STAT5B: variants seen among roughly 807,000 people sequenced by gnomAD.
STAT5B encodes the protein signal transducer and activator of transcription 5B.
A neutral mutation model predicts 107.8 loss-of-function variants in STAT5B; 21 were observed. The ratio of observed to expected loss-of-function variants is 0.19; its 90% confidence interval spans 0.14 to 0.28. The LOEUF (loss-of-function observed/expected upper bound fraction) is 0.28. STAT5B is among the 10% of genes least tolerant of loss of function. The pLI, the probability that STAT5B is intolerant of heterozygous loss-of-function variation, is 1.00. For synonymous variants in STAT5B, 325 were observed against 401.7 expected (o/e 0.81, Z 2.28); for missense variants, 565 against 1,008.2 (o/e 0.56, Z 5.95).
chr17:42,230,646 G>A (rs776848375), intron 2 of STAT5B, among the ~76,000 whole-genome samples: 1 of 151,688 alleles, frequency 6.6e-6, no homozygotes, highest in African/African-American at 2.4e-5. Context: ...TTAACATTTG[G>A]GTATATTTTC....
chr17:42,274,049 A>T (rs7219855), intron 1 of STAT5B, among the ~76,000 whole-genome samples: 54,136 of 151,870 alleles, frequency 0.36, 10,819 homozygotes, highest in African/African-American at 0.54. Context: ...TTTCTCCTAC[A>T]ATCATACATA....
intron 1 of STAT5B, chr17:42,233,824 TAAAG>T (rs2080336856): frequency 6.6e-6 from 1 of 152,208 alleles, no homozygotes; most frequent in Admixed American, 6.6e-5. Context: ...CTTGATTTTT[TAAAG>T]AAAGGCTTTA....
chr17:42,242,605 C>G (rs1458416877), intron 1 of STAT5B, among the ~76,000 whole-genome samples: 1 of 128,118 alleles, frequency 7.8e-6, no homozygotes, highest in Non-Finnish European at 1.6e-5. Flanking sequence ...TCCCACCCCC[C>G]ACCCAAAACA....
intron 8 of STAT5B, 42 bp downstream of exon 8, chr17:42,218,681 G>C (rs1268891387): frequency 6.2e-7 from 1 of 1,611,600 alleles, no homozygotes; most frequent in African/African-American, 1.3e-5. Flanking sequence ...GCAGGCAGGA[G>C]CTGCCCCAAG....
chr17:42,263,975 T>C (rs2080643960), intron 1 of STAT5B, among the ~76,000 whole-genome samples: 1 of 152,082 alleles, frequency 6.6e-6, no homozygotes, highest in Non-Finnish European at 1.5e-5. Flanking sequence ...GGCACAATTG[T>C]ATATGATTGT....
At chr17:42,208,434 T>G (rs2080103362) in intron 15 of STAT5B, among the ~76,000 whole-genome samples, 1 of 151,664 alleles carries the variant, frequency 6.6e-6, no homozygotes, top group Non-Finnish European at 1.5e-5. Context: ...AGGTGGAGGT[T>G]GCAGTGAGCT....
intron 3 of STAT5B, among the ~76,000 whole-genome samples, chr17:42,225,466 G>A (rs1253338846): frequency 1.3e-5 from 2 of 152,100 alleles, no homozygotes; most frequent in African/African-American, 2.4e-5. Flanking sequence ...ACCAATGAGG[G>A]GACGAGGGAC....
At position 42,201,756 on chromosome 17, in the gene STAT5B, G is replaced by T; in HGVS notation, c.2346C>A (p.Ile782=). The T allele has an allele frequency of 6.2e-7, 1 of 1,611,302 alleles. No individual in the cohort carries two copies. Among genetic ancestry groups the T allele is most frequent in the Non-Finnish European group, 8.5e-7 (1 of 1,177,362 alleles). The change falls in exon 19 of 19, where the codon ATC becomes ATA. Residue 782 remains isoleucine, a synonymous_variant. Coordinates refer to ENST00000293328, the MANE Select transcript of STAT5B (RefSeq NM_012448.4). ...LLGRPMDSQW[I]PHAQS The stretch of plus-strand genomic sequence containing the variant: ...CGCGGGGTCACGATTGTGCGTGCGG[G>T]ATCCACTGACTGTCCATTGGCCGGC...
chr17:42,276,937 G>A (rs547197002), upstream of STAT5B, among the ~76,000 whole-genome samples: 1 of 152,364 alleles, frequency 6.6e-6, no homozygotes, highest in East Asian at 1.9e-4. This position sits in a 1 kb window ranked among gnomAD's most constrained non-coding sequence, Gnocchi z 4.8. Flanking sequence ...CATGGGCACG[G>A]CAGGAATTCA....
intron 13 of STAT5B, among the ~76,000 whole-genome samples, chr17:42,211,456 A>G (rs1350275691): frequency 6.6e-6 from 1 of 152,186 alleles, no homozygotes; most frequent in Non-Finnish European, 1.5e-5. Flanking sequence ...CGGTGAGCCA[A>G]GATCGTGCCA....
chr17:42,220,452 C>T (rs1002418495), intron 5 of STAT5B, among the ~76,000 whole-genome samples: 6 of 152,146 alleles, frequency 3.9e-5, no homozygotes, highest in South Asian at 2.1e-4. Context: ...CCATCCCTCC[C>T]GCAGCAAGGC....
At chr17:42,262,013 T>A (rs2080601246) in intron 1 of STAT5B, among the ~76,000 whole-genome samples, 1 of 152,244 alleles carries the variant, frequency 6.6e-6, no homozygotes, top group African/African-American at 2.4e-5. Context: ...AATAGATTTT[T>A]ACTTAATTAA....
rs1413470734 is a variant in STAT5B at position 42,200,355 on chromosome 17, A to G, written c.*1383T>C. The G allele has an allele frequency of 6.6e-6, 1 of 152,576 alleles. No homozygotes were observed. The highest frequency in any genetic ancestry group is 6.6e-5 in the Admixed American group (1 of 15,266). The allele number at this position is 152,576 out of a possible 1,614,324, so 9.5% of individuals were successfully genotyped here. On this transcript the variant is annotated 3_prime_UTR_variant, in exon 19 of 19. Coordinates refer to ENST00000293328, the MANE Select transcript of STAT5B (RefSeq NM_012448.4). ...TAGGCCTTACCCGTAAGCTATTTTA[A>G]TACACCTGCTCACCCCCCTCTTCCT...
intron 1 of STAT5B, among the ~76,000 whole-genome samples, chr17:42,240,536 G>A (rs1481140987): frequency 6.6e-6 from 1 of 152,148 alleles, no homozygotes; most frequent in Non-Finnish European, 1.5e-5. Context: ...CTTTTTGAGG[G>A]GATGATGAAA....
At chr17:42,249,408 A>G (rs2080479489) in intron 1 of STAT5B, among the ~76,000 whole-genome samples, 1 of 152,144 alleles carries the variant, frequency 6.6e-6, no homozygotes, top group South Asian at 2.1e-4. Context: ...AAATAAAAAG[A>G]AAAAGAAGAT....
intron 5 of STAT5B, among the ~76,000 whole-genome samples, chr17:42,222,149 C>CTGTGTGTGTGATGTGTGTGG (rs2080234705): frequency 8.9e-6 from 1 of 112,780 alleles, no homozygotes; most frequent in Non-Finnish European, 1.8e-5. Context: ...TGTGTGTGTG[C>CTGTGTGTGTGATGTGTGTGG]TGTGTGTGTG....
At chr17:42,233,525 C>G (rs2080334045) in intron 1 of STAT5B, among the ~76,000 whole-genome samples, 1 of 149,244 alleles carries the variant, frequency 6.7e-6, no homozygotes, top group South Asian at 2.1e-4. Flanking sequence ...GAGTCTTGCT[C>G]TGTTGCCCAG....
At chr17:42,254,182 C>A (rs2080522477) in intron 1 of STAT5B, among the ~76,000 whole-genome samples, 2 of 151,986 alleles carry the variant, frequency 1.3e-5, no homozygotes, top group African/African-American at 4.8e-5. Flanking sequence ...TCAAGACCAG[C>A]CTGGGCAACA....
At chr17:42,225,363 G>C (rs1239883110) in intron 3 of STAT5B, among the ~76,000 whole-genome samples, 8 of 152,086 alleles carry the variant, frequency 5.3e-5, no homozygotes, top group Admixed American at 5.2e-4. Context: ...AGTATCCGGG[G>C]AACATTCTTA....
Sources: allele counts gnomAD v4.1 joint callset (sites outside exome capture counted in the v4.1 genomes callset), GRCh38; gene constraint gnomAD v4.1.1; non-coding constraint Gnocchi (gnomAD v3.1); transcripts MANE v1.5; gene names NCBI Gene and HGNC (gene_info 2026-07-23, HGNC 2026-07-21).